Variants in TRIO observed in about 807,000 individuals in gnomAD.
TRIO encodes trio Rho guanine nucleotide exchange factor.
A neutral mutation model predicts 351.9 loss-of-function variants in TRIO; 58 were observed. The observed-to-expected ratio is 0.16, with a 90% CI of 0.13 to 0.21. The LOEUF is 0.21. TRIO is among the 10% of genes least tolerant of loss of function. The pLI is 1.00. For missense variants in TRIO, 3,201 were observed against 4,027.8 expected (o/e 0.79, Z 5.56); for synonymous variants, 1,758 against 1,595.7 (o/e 1.10, Z -2.42).
chr5:14,313,097 G>A (rs1019089565), intron 8 of TRIO, among the ~76,000 whole-genome samples: 5 of 152,214 alleles, frequency 3.3e-5, no homozygotes, highest in African/African-American at 1.2e-4. Flanking sequence ...TGGATTTGGA[G>A]TTCCATGCTG....
intron 1 of TRIO, among the ~76,000 whole-genome samples, chr5:14,215,107 C>CA (rs967700725): frequency 3.3e-5 from 5 of 151,888 alleles, no homozygotes; most frequent in Admixed American, 2.0e-4. Flanking sequence ...GAATTTAGAC[C>CA]AAAAAAAGCA....
intron 1 of TRIO, among the ~76,000 whole-genome samples, chr5:14,259,990 G>A (rs2152258782): frequency 1.3e-5 from 2 of 152,286 alleles, no homozygotes; most frequent in East Asian, 3.9e-4. Context: ...TCAAAGCAAA[G>A]TAGATTAACT....
intron 1 of TRIO, among the ~76,000 whole-genome samples, chr5:14,178,324 G>A (rs1789529790): frequency 6.6e-6 from 1 of 152,170 alleles, no homozygotes; most frequent in Admixed American, 6.5e-5. Flanking sequence ...CAAATTTACT[G>A]GCATAGAGAT....
intron 8 of TRIO, among the ~76,000 whole-genome samples, chr5:14,307,771 G>T (rs1346049933): frequency 6.6e-6 from 1 of 152,254 alleles, no homozygotes; most frequent in East Asian, 1.9e-4. Context: ...GAGGATTTCT[G>T]CCCATAGCAG....
At chr5:14,287,391 T>C (rs1736541634) in intron 4 of TRIO, among the ~76,000 whole-genome samples, 1 of 152,224 alleles carries the variant, frequency 6.6e-6, no homozygotes, top group Non-Finnish European at 1.5e-5. Context: ...ACTGTGGCTT[T>C]GCACAGTTAC....
intron 1 of TRIO, among the ~76,000 whole-genome samples, chr5:14,235,593 C>T (rs1793714910): frequency 6.6e-6 from 1 of 151,936 alleles, no homozygotes; most frequent in Non-Finnish European, 1.5e-5. Flanking sequence ...ACAGTTACAA[C>T]TACTAGCTTT....
intron 28 of TRIO, among the ~76,000 whole-genome samples, chr5:14,396,253 C>T (rs2152370467): frequency 6.6e-6 from 1 of 151,808 alleles, no homozygotes; most frequent in South Asian, 2.1e-4. Context: ...CTGTAAGTAA[C>T]TCATGCGGTG....
At chr5:14,257,585 C>T (rs562785081) in intron 1 of TRIO, among the ~76,000 whole-genome samples, 5 of 152,106 alleles carry the variant, frequency 3.3e-5, no homozygotes, top group Admixed American at 1.3e-4. Context: ...GGGGGACAGA[C>T]GGGGCGTGGG....
At chr5:14,177,106 G>A (rs1279011141) in intron 1 of TRIO, among the ~76,000 whole-genome samples, 2 of 152,166 alleles carry the variant, frequency 1.3e-5, no homozygotes, top group African/African-American at 2.4e-5. Flanking sequence ...AGCGCCCAGG[G>A]CACTCATGGG....
At chr5:14,361,375 G>A (rs1192325662) in intron 13 of TRIO, among the ~76,000 whole-genome samples, 1 of 152,206 alleles carries the variant, frequency 6.6e-6, no homozygotes, top group African/African-American at 2.4e-5. Context: ...GCCACAGCCT[G>A]GGGGAGCTCA....
intron 1 of TRIO, 24 bp downstream of exon 1, chr5:14,143,906 G>C: frequency 6.6e-6 from 7 of 1,064,864 alleles, no homozygotes; most frequent in Non-Finnish European, 6.8e-6. Context: ...CGGCCGGCCC[G>C]CCCAGCGGCG....
At position 14,509,265 on chromosome 5, in the gene TRIO, CAT is replaced by C; in HGVS notation, c.*844_*845del. Reference sequence around the variant, plus strand: ...GGGGTTTTTTGGTTTTACTTCATATCATGTGCAATGTTGTGGCTTTAACATTT... The same window carrying C: ...GGGGTTTTTTGGTTTTACTTCATATCGTGCAATGTTGTGGCTTTAACATTT... On this transcript the variant is annotated 3_prime_UTR_variant, in exon 57 of 57. Coordinates refer to ENST00000344204, the MANE Select transcript of TRIO (RefSeq NM_007118.4). 2.8e-6 allele frequency: 1 copy of C among 360,834 alleles called. No individual in the cohort carries two copies. Among genetic ancestry groups the C allele is most frequent in the South Asian group, 2.1e-5 (1 of 48,124 alleles). 22.4% of individuals were successfully genotyped at this position (360,834 alleles called of 1,614,324 possible). A position where few individuals can be genotyped will look rare whatever the true frequency, so the allele number is the denominator to read the frequency against.
At chr5:14,396,755 C>T (rs1747632991) in intron 28 of TRIO, among the ~76,000 whole-genome samples, 3 of 152,066 alleles carry the variant, frequency 2.0e-5, no homozygotes, top group South Asian at 4.2e-4. Context: ...CAGGCATGAG[C>T]CACCACACCC....
At position 14,488,915 on chromosome 5, in the gene TRIO, C is replaced by G. The variant is rs753915143; in HGVS notation, c.7632+655C>G. The stretch of plus-strand genomic sequence containing the variant: ...GGGCCGGTCCCTGCGGCCTGCTGGG[C>G]TCTGGCCTCGTTTGGCCCATCACTC... On this transcript the variant is annotated intron_variant, in intron 48 of 56. Coordinates refer to ENST00000344204, the MANE Select transcript of TRIO (RefSeq NM_007118.4). The G allele has an allele frequency of 6.6e-6, 5 of 759,928 alleles. No individual in the cohort carries two copies. In the South Asian group the frequency reaches 6.8e-5, roughly 10 times the overall value. The allele number at this position is 759,928 out of a possible 1,614,324, so 47.1% of individuals were successfully genotyped here. A position where few individuals can be genotyped will look rare whatever the true frequency, so the allele number is the denominator to read the frequency against.
At chr5:14,371,813 G>GT (rs1745131536) in intron 18 of TRIO, among the ~76,000 whole-genome samples, 1 of 151,836 alleles carries the variant, frequency 6.6e-6, no homozygotes, top group Non-Finnish European at 1.5e-5. Flanking sequence ...GCTAATTTTT[G>GT]TATTTTTTTG....
At chr5:14,394,005 A>T in intron 27 of TRIO, 33 bp from the exon 28 acceptor site, 1 of 1,489,582 alleles carries the variant, frequency 6.7e-7, no homozygotes, top group Non-Finnish European at 9.3e-7. Flanking sequence ...TAGCCCTATG[A>T]TAACTCTTGT....
At chr5:14,370,512 A>C (rs1745014986) in intron 18 of TRIO, among the ~76,000 whole-genome samples, 1 of 150,784 alleles carries the variant, frequency 6.6e-6, no homozygotes, top group Non-Finnish European at 1.5e-5. Flanking sequence ...CAGCGTTCTC[A>C]CCTCTCTGAC....
chr5:14,366,583 T>C (rs1396815886), intron 15 of TRIO, among the ~76,000 whole-genome samples: 2 of 152,236 alleles, frequency 1.3e-5, no homozygotes, highest in African/African-American at 4.8e-5. Flanking sequence ...TGTTTTGACT[T>C]GTGGACTAAT....
At chr5:14,495,012 A>G (rs1756773021) in intron 49 of TRIO, among the ~76,000 whole-genome samples, 1 of 152,386 alleles carries the variant, frequency 6.6e-6, no homozygotes, top group Non-Finnish European at 1.5e-5. Flanking sequence ...GAGAGGATTC[A>G]CCATTCCAGA....
Sources: allele counts gnomAD v4.1 joint callset (sites outside exome capture counted in the v4.1 genomes callset), GRCh38; gene constraint gnomAD v4.1.1; transcripts MANE v1.5; gene names NCBI Gene and HGNC (gene_info 2026-07-23, HGNC 2026-07-21).